The following SLA variants were observed in gnomAD, a reference collection of about 807,000 sequenced individuals.
SLA encodes the protein src-like-adapter.
A neutral mutation model predicts 30.3 loss-of-function variants in SLA; 16 were observed. The ratio of observed to expected loss-of-function variants is 0.53; its 90% confidence interval spans 0.36 to 0.80. The LOEUF is 0.80. Ranked by LOEUF, SLA falls within the 30% of genes least tolerant of loss-of-function variation. SLA has a pLI of 0.01. For synonymous variants in SLA, 143 were observed against 137.8 expected, an observed-to-expected ratio of 1.04 and a Z score of -0.26; for missense variants, 310 against 345.2, an observed-to-expected ratio of 0.90 and a Z score of 0.81.
At chr8:133,050,945 G>C in intron 3 of SLA, 30 bp from the exon 4 acceptor site, 1 of 1,354,024 alleles carries the variant, frequency 7.4e-7, no homozygotes, top group Non-Finnish European at 1.1e-6. Context: ...GGGGAAGGGG[G>C]CAAGGTGCTT....
At chr8:133,060,348 G>T in intron 2 of SLA, 148 bp from the exon 3 acceptor site, 1 of 1,546,614 alleles carries the variant, frequency 6.5e-7, no homozygotes, top group Non-Finnish European at 8.7e-7. Flanking sequence ...TGAGATTGGT[G>T]AAGATTGGTT....
chr8:133,094,703 A>G, intron 1 of SLA: 1 of 387,396 alleles, frequency 2.6e-6, no homozygotes, highest in South Asian at 2.2e-5. Flanking sequence ...CTCTTCCCAG[A>G]GGACTTTGCC....
rs372139181 is a variant in SLA at position 133,099,194 on chromosome 8, G to T, written c.-319+3359C>A. 3.8e-4 allele frequency among the ~76,000 whole-genome samples: 58 copies of T among 152,364 alleles called. 1 individual carries two copies. The East Asian group carries it at 9.6e-3, about 25-fold the overall frequency. On this transcript the variant is annotated intron_variant, in intron 1 of 8. Coordinates refer to ENST00000338087, the MANE Select transcript of SLA (RefSeq NM_001045556.3). ...TAAGGGCACAGCAGAGCAGCTGCTA[G>T]CCCTGCTCCATGGCGGTCATCCCAG...
rs1389847805 is a variant in SLA at position 133,037,257 on chromosome 8, TC to T, written c.*1266del. Reference sequence around the variant, plus strand: ...GGATTTGGATGGGAGCTTCTCCTTCTCTGGCTATACATTGTGTTTTCTCCCT... The same window carrying T: ...GGATTTGGATGGGAGCTTCTCCTTCTTGGCTATACATTGTGTTTTCTCCCT... On this transcript the variant is annotated 3_prime_UTR_variant, in exon 9 of 9. Transcript: ENST00000338087. The T allele has an allele frequency of 6.6e-6, 1 of 152,192 alleles. No individual in the cohort carries two copies. The highest frequency in any genetic ancestry group is 1.5e-5 in the Non-Finnish European group (1 of 68,032). 9.4% of individuals were successfully genotyped at this position (152,192 alleles called of 1,614,324 possible). A position where few individuals can be genotyped will look rare whatever the true frequency, so the allele number is the denominator to read the frequency against.
intron 3 of SLA, among the ~76,000 whole-genome samples, chr8:133,059,767 T>G (rs1842095729): frequency 6.6e-6 from 1 of 152,182 alleles, no homozygotes; most frequent in African/African-American, 2.4e-5. Flanking sequence ...GATTGGAAAT[T>G]TAACAGCAAA....
intron 3 of SLA, among the ~76,000 whole-genome samples, chr8:133,058,795 G>T (rs1431676221): frequency 2.0e-5 from 3 of 152,218 alleles, no homozygotes; most frequent in African/African-American, 7.2e-5. Context: ...CTTGTCATCT[G>T]GTTCCACCTC....
At chr8:133,086,745 C>T (rs529220088) in intron 1 of SLA, among the ~76,000 whole-genome samples, 1 of 152,254 alleles carries the variant, frequency 6.6e-6, no homozygotes, top group South Asian at 2.1e-4. Context: ...AAAACTTTCT[C>T]ATTTCTTTAT....
At chr8:133,087,798 C>T (rs1588052311) in intron 1 of SLA, 1 of 152,124 alleles carries the variant, frequency 6.6e-6, no homozygotes, top group African/African-American at 2.4e-5. Flanking sequence ...GCAGGAGGTA[C>T]CCTGGGACTG....
At chr8:133,089,848 T>A (rs1847217820) in intron 1 of SLA, 1 of 152,228 alleles carries the variant, frequency 6.6e-6, no homozygotes, top group Non-Finnish European at 1.5e-5. Flanking sequence ...TCACCCACCC[T>A]GTTCCTCCCA....
intron 1 of SLA, chr8:133,094,562 AC>A (rs1848130026): frequency 4.4e-6 from 1 of 229,724 alleles, no homozygotes; most frequent in Non-Finnish European, 8.8e-6. Context: ...ATTTACCCTT[AC>A]AAAGACTGTG....
chr8:133,070,666 C>T (rs1843865725), intron 2 of SLA, among the ~76,000 whole-genome samples: 1 of 152,214 alleles, frequency 6.6e-6, no homozygotes, highest in Non-Finnish European at 1.5e-5. Context: ...TTTACTCCCA[C>T]TCCTAATTCC....
chr8:133,078,229 G>A (rs1392257243), intron 1 of SLA, among the ~76,000 whole-genome samples: 1 of 152,190 alleles, frequency 6.6e-6, no homozygotes. Flanking sequence ...CTGGGAATTA[G>A]GGCTTGGAAG....
intron 2 of SLA, among the ~76,000 whole-genome samples, chr8:133,070,804 C>T (rs1843891335): frequency 1.3e-5 from 2 of 152,204 alleles, no homozygotes; most frequent in Admixed American, 6.5e-5. Flanking sequence ...CACACTGGCC[C>T]GTGTCTGCAG....
intron 3 of SLA, among the ~76,000 whole-genome samples, chr8:133,054,266 T>C (rs79141595): frequency 1.2e-3 from 182 of 152,216 alleles, no homozygotes; most frequent in Non-Finnish European, 1.4e-3. Flanking sequence ...AGTGGAATTA[T>C]TGCAGACTTA....
chr8:133,093,228 A>T (rs573630064), intron 1 of SLA, among the ~76,000 whole-genome samples: 9 of 152,226 alleles, frequency 5.9e-5, no homozygotes, highest in South Asian at 2.1e-4. Context: ...AGGGCACAAG[A>T]ACTCAACAAT....
At chr8:133,082,303 G>A (rs1231936172) in intron 1 of SLA, among the ~76,000 whole-genome samples, 1 of 152,112 alleles carries the variant, frequency 6.6e-6, no homozygotes, top group East Asian at 1.9e-4. Context: ...AGCTAGCTTT[G>A]GCACTTTGCA....
intron 2 of SLA, among the ~76,000 whole-genome samples, chr8:133,068,250 T>C (rs1843398044): frequency 6.6e-6 from 1 of 152,184 alleles, no homozygotes; most frequent in Admixed American, 6.5e-5. Flanking sequence ...GCAATGCCCA[T>C]CTATCTGTCA....
chr8:133,080,676 C>T (rs969291236), intron 1 of SLA, among the ~76,000 whole-genome samples: 1 of 152,202 alleles, frequency 6.6e-6, no homozygotes, highest in South Asian at 2.1e-4. Context: ...CCTTATCAGC[C>T]CCATGGCAAT....
At chr8:133,069,447 C>A (rs145570852) in intron 2 of SLA, among the ~76,000 whole-genome samples, 92 of 152,310 alleles carry the variant, frequency 6.0e-4, no homozygotes, top group Non-Finnish European at 1.0e-3. Flanking sequence ...GGGGCTTGGT[C>A]TCTCTAAAGA....
Sources: allele counts gnomAD v4.1 joint callset (sites outside exome capture counted in the v4.1 genomes callset), GRCh38; gene constraint gnomAD v4.1.1; transcripts MANE v1.5; gene names NCBI Gene and HGNC (gene_info 2026-07-23, HGNC 2026-07-21).